PAK5: variants seen among roughly 807,000 people sequenced by gnomAD.
PAK5 encodes the protein serine/threonine-protein kinase PAK 5.
PAK5 carries 16 observed loss-of-function variants against 65.9 expected under a neutral mutation model. The observed-to-expected ratio is 0.24, with a 90% CI of 0.16 to 0.37. PAK5 has a LOEUF of 0.37. Ranked by LOEUF, PAK5 falls within the 10% of genes least tolerant of loss-of-function variation. The pLI, the probability that PAK5 is intolerant of heterozygous loss-of-function variation, is 1.00. For synonymous variants in PAK5, 371 were observed against 354.9 expected (o/e 1.05, Z -0.51); for missense variants, 785 against 903.9 (o/e 0.87, Z 1.69).
intron 8 of PAK5, among the ~76,000 whole-genome samples, chr20:9,543,597 A>C (rs1275442252): frequency 6.6e-6 from 1 of 152,124 alleles, no homozygotes; most frequent in African/African-American, 2.4e-5. Context: ...TCCTTAGCTC[A>C]CGGCCATGTC....
In PAK5 at chr20:9,646,548, C is replaced by A. The variant is rs1189975604; in HGVS notation, c.-11-2209G>T. Among the ~76,000 whole-genome samples, 6 of 152,296 alleles carry A rather than the reference C, an allele frequency of 3.9e-5. No individual in the cohort carries two copies. In the East Asian group the frequency reaches 7.7e-4, roughly 20 times the overall value. On this transcript the variant is annotated intron_variant, in intron 2 of 9. Coordinates refer to ENST00000353224, the MANE Select transcript of PAK5 (RefSeq NM_177990.4). ...CTGACCTTAAACGCTTGGGCACACC[C>A]AAACCAAAGTGTCAAGAAGTAAAGG... is the stretch of plus-strand genomic sequence containing the variant.
chr20:9,746,718 G>C (rs1296687980), intron 1 of PAK5, among the ~76,000 whole-genome samples: 2 of 151,588 alleles, frequency 1.3e-5, no homozygotes, highest in Non-Finnish European at 2.9e-5. Context: ...ACAGTGGCTA[G>C]TGGCTGCCAC....
At chr20:9,562,818 C>T in intron 6 of PAK5, 73 bp downstream of exon 6, 1 of 1,397,082 alleles carries the variant, frequency 7.2e-7, no homozygotes, top group Non-Finnish European at 1.0e-6. Context: ...ATGAAGAGTT[C>T]ATAGTCACTG....
At chr20:9,749,371 A>G (rs1365249046) in intron 1 of PAK5, among the ~76,000 whole-genome samples, 1 of 152,144 alleles carries the variant, frequency 6.6e-6, no homozygotes, top group African/African-American at 2.4e-5. Flanking sequence ...ATTCTTATAA[A>G]ACATATCTGA....
At chr20:9,825,800 G>A (rs545231781) in intron 1 of PAK5, among the ~76,000 whole-genome samples, 42 of 151,930 alleles carry the variant, frequency 2.8e-4, no homozygotes, top group African/African-American at 6.3e-4. Flanking sequence ...TGTCATTTGC[G>A]TTATATTTAA....
chr20:9,835,424 G>A (rs753922714), intron 1 of PAK5, among the ~76,000 whole-genome samples: 1 of 152,196 alleles, frequency 6.6e-6, no homozygotes, highest in East Asian at 1.9e-4. Context: ...GAAACAGACA[G>A]AGGGTCAGTG....
chr20:9,539,996 C>A (rs2045234656), intron 9 of PAK5, among the ~76,000 whole-genome samples: 1 of 152,184 alleles, frequency 6.6e-6, no homozygotes, highest in South Asian at 2.1e-4. Context: ...ACAACTGCAA[C>A]CACACAGGCT....
At chr20:9,737,407 CATAACAATAAA>C (rs2048401471) in intron 1 of PAK5, among the ~76,000 whole-genome samples, 1 of 151,998 alleles carries the variant, frequency 6.6e-6, no homozygotes, top group African/African-American at 2.4e-5. Context: ...GGATAAATTT[CATAACAATAAA>C]AGAGAGAATT....
At chr20:9,671,236 A>C (rs1353563241) in intron 2 of PAK5, among the ~76,000 whole-genome samples, 1 of 152,184 alleles carries the variant, frequency 6.6e-6, no homozygotes, top group Non-Finnish European at 1.5e-5. Context: ...CTTTTGGCTT[A>C]GGATTGACTT....
chr20:9,613,709 G>A (rs1355566628), intron 3 of PAK5, among the ~76,000 whole-genome samples: 1 of 152,184 alleles, frequency 6.6e-6, no homozygotes, highest in African/African-American at 2.4e-5. Context: ...TGGACCTGGA[G>A]GAAAATAAAA....
intron 3 of PAK5, among the ~76,000 whole-genome samples, chr20:9,595,933 A>G (rs566802059): frequency 2.8e-4 from 43 of 151,162 alleles, no homozygotes; most frequent in Non-Finnish European, 6.0e-4. Flanking sequence ...TTAACTATTG[A>G]TTTTGTTCAT....
intron 2 of PAK5, among the ~76,000 whole-genome samples, chr20:9,650,254 T>G (rs537888648): frequency 2.6e-5 from 4 of 152,332 alleles, no homozygotes; most frequent in African/African-American, 7.2e-5. Flanking sequence ...AATATCTGCT[T>G]GCAAGGGAGA....
intron 7 of PAK5, among the ~76,000 whole-genome samples, chr20:9,551,983 G>A (rs754535929): frequency 1.3e-5 from 2 of 152,182 alleles, no homozygotes; most frequent in Non-Finnish European, 2.9e-5. Flanking sequence ...ACTGAAATAG[G>A]AAGTTGCAGG....
chr20:9,778,065 A>G (rs1190194608), intron 1 of PAK5, among the ~76,000 whole-genome samples: 2 of 152,206 alleles, frequency 1.3e-5, no homozygotes, highest in Non-Finnish European at 2.9e-5. Flanking sequence ...TTATTTAACT[A>G]TTAGTTAAAA....
rs2047896001 is a variant in PAK5 at position 9,698,336 on chromosome 20, G to A, written c.-12+12950C>T. ...ACATAAGGAAAAACAACTCCATGGAGTTATACTCTTTGGCCAGCCAGAAAG... is the reference window on the plus strand; with the variant it reads ...ACATAAGGAAAAACAACTCCATGGAATTATACTCTTTGGCCAGCCAGAAAG... On this transcript the variant is annotated intron_variant, in intron 2 of 9. Coordinates refer to ENST00000353224, the MANE Select transcript of PAK5 (RefSeq NM_177990.4). Among the ~76,000 whole-genome samples, 4 of 152,090 alleles carry A rather than the reference G, an allele frequency of 2.6e-5. No individual in the cohort carries two copies. The South Asian group carries it at 6.2e-4, about 24-fold the overall frequency.
chr20:9,748,123 T>C lies in PAK5; in HGVS notation c.-161-36688A>G, dbSNP rs1291937538. On this transcript the variant is annotated intron_variant, in intron 1 of 9. Coordinates refer to ENST00000353224, the MANE Select transcript of PAK5 (RefSeq NM_177990.4). ...AGAATAAAATACCTAGGAATCCAAC[T>C]TACAAGGGACGTGAAGGACCTCTTC... 9.2e-5 allele frequency among the ~76,000 whole-genome samples: 14 copies of C among 151,920 alleles called. 1 individual carries two copies. Among genetic ancestry groups the C allele is most frequent in the Non-Finnish European group, 1.5e-4 (10 of 67,954 alleles).
intron 1 of PAK5, among the ~76,000 whole-genome samples, chr20:9,756,958 C>A (rs2048641541): frequency 6.6e-6 from 1 of 152,178 alleles, no homozygotes; most frequent in African/African-American, 2.4e-5. Context: ...AGAAAGAGAG[C>A]TACTGGTTAC....
intron 4 of PAK5, among the ~76,000 whole-genome samples, chr20:9,573,754 T>G (rs1385502503): frequency 2.0e-5 from 3 of 152,020 alleles, no homozygotes; most frequent in Non-Finnish European, 4.4e-5. Context: ...TCGACTGGGG[T>G]GTGTGGACAC....
At chr20:9,591,026 A>G (rs1408443941) in intron 3 of PAK5, among the ~76,000 whole-genome samples, 2 of 152,194 alleles carry the variant, frequency 1.3e-5, no homozygotes, top group African/African-American at 4.8e-5. Flanking sequence ...GAATAAAATG[A>G]CTGCCATCAG....
Sources: allele counts gnomAD v4.1 joint callset (sites outside exome capture counted in the v4.1 genomes callset), GRCh38; gene constraint gnomAD v4.1.1; transcripts MANE v1.5; gene names NCBI Gene and HGNC (gene_info 2026-07-23, HGNC 2026-07-21).